MTSS1: variants seen among roughly 807,000 people sequenced by gnomAD.
The protein encoded by MTSS1 is MTSS I-BAR domain containing 1.
In MTSS1, 18 loss-of-function variants were observed where a neutral mutation model predicts 79.0. The ratio of observed to expected loss-of-function variants is 0.23; its 90% CI spans 0.16 to 0.34. MTSS1 has a LOEUF of 0.34. Among genes scored for constraint, MTSS1 ranks in the 10% least tolerant of loss-of-function variants. The pLI is 1.00. For synonymous variants in MTSS1, 341 were observed against 368.6 expected (o/e 0.93, Z 0.86); for missense variants, 815 against 986.2 (o/e 0.83, Z 2.33).
At chr8:124,724,743 G>C (rs942497539) in intron 1 of MTSS1, among the ~76,000 whole-genome samples, 12 of 152,090 alleles carry the variant, frequency 7.9e-5, no homozygotes, top group African/African-American at 2.9e-4. Flanking sequence ...AAGGCACAAA[G>C]CTGCTGTTTG....
chr8:124,697,863 G>A (rs1829101218), intron 3 of MTSS1, among the ~76,000 whole-genome samples: 1 of 152,160 alleles, frequency 6.6e-6, no homozygotes. Context: ...CATGCTTCTA[G>A]TTTCTGTGTC....
chr8:124,723,269 C>A (rs1485842120), intron 1 of MTSS1, among the ~76,000 whole-genome samples: 1 of 152,174 alleles, frequency 6.6e-6, no homozygotes, highest in Non-Finnish European at 1.5e-5. Context: ...GTGCCTGAAA[C>A]ACCACTGATG....
Position 124,589,602 on chromosome 8 carries a change from G to A in MTSS1, c.385+18C>T. The stretch of plus-strand genomic sequence containing the variant: ...CCCCCCAGCGTGCAGTGATGCGCTA[G>A]ACATCTCGCCCCTGTACCTTTTGCG... On this transcript the variant is annotated intron_variant, in intron 5 of 13. Coordinates refer to ENST00000518547, the MANE Select transcript of MTSS1 (RefSeq NM_014751.6). 3 of 1,601,100 alleles carry A rather than the reference G, an allele frequency of 1.9e-6. No individual in the cohort carries two copies. The highest frequency in any genetic ancestry group is 2.6e-6 in the Non-Finnish European group (3 of 1,172,278).
At chr8:124,611,199 G>C (rs1015836966) in intron 3 of MTSS1, among the ~76,000 whole-genome samples, 1 of 148,238 alleles carries the variant, frequency 6.7e-6, no homozygotes, top group East Asian at 2.0e-4. Flanking sequence ...ATTATCTTTT[G>C]AGACAAATGC....
At chr8:124,608,421 G>A (rs1232902108) in intron 3 of MTSS1, among the ~76,000 whole-genome samples, 3 of 152,092 alleles carry the variant, frequency 2.0e-5, no homozygotes, top group Admixed American at 6.5e-5. Context: ...TCATGGCCTC[G>A]CCTCCTCCAG....
intron 3 of MTSS1, among the ~76,000 whole-genome samples, chr8:124,613,462 G>C (rs962046743): frequency 6.6e-6 from 1 of 152,222 alleles, no homozygotes; most frequent in Non-Finnish European, 1.5e-5. Flanking sequence ...TGCAACAAAA[G>C]ACTCTCAGCT....
chr8:124,626,767 T>G (rs1429398708), intron 3 of MTSS1, among the ~76,000 whole-genome samples: 1 of 152,088 alleles, frequency 6.6e-6, no homozygotes, highest in African/African-American at 2.4e-5. Context: ...TGTCTGGGAC[T>G]CTGGGTTCCA....
At chr8:124,594,564 G>T (rs1832427339) in intron 3 of MTSS1, among the ~76,000 whole-genome samples, 1 of 151,500 alleles carries the variant, frequency 6.6e-6, no homozygotes, top group African/African-American at 2.4e-5. Flanking sequence ...GGAAAGGAAA[G>T]GAAAGGAAAT....
In MTSS1 at chr8:124,611,973, C is replaced by T. The variant is rs536494995; in HGVS notation, c.209-20738G>A. On this transcript the variant is annotated intron_variant, in intron 3 of 13. Transcript: ENST00000518547. ...TCTGCTGCCTGTGGGGCTCACAGAA[C>T]GCCAGAATGCAGCCCCTGGGCTTTT... Among the ~76,000 whole-genome samples, 255 of 152,330 alleles carry T rather than the reference C, an allele frequency of 1.7e-3. 1 individual carries two copies. Among genetic ancestry groups the T allele is most frequent in the Non-Finnish European group, 2.5e-3 (168 of 68,024 alleles).
At chr8:124,671,456 G>C (rs578092018) in intron 3 of MTSS1, among the ~76,000 whole-genome samples, 19 of 152,074 alleles carry the variant, frequency 1.2e-4, no homozygotes, top group Admixed American at 2.6e-4. Flanking sequence ...ACTTTCTCAC[G>C]AAGCCCCCTT....
rs1230255297 is a variant in MTSS1, at chr8:124,727,526, C to T, written c.72+358G>A. On this transcript the variant is annotated intron_variant, in intron 1 of 13. Coordinates refer to ENST00000518547, the MANE Select transcript of MTSS1 (RefSeq NM_014751.6). The surrounding 1 kb of genome is among the most constrained non-coding windows in gnomAD (Gnocchi z 4.7). ...TGCCCGGAGGAATCAGGTGTCCTCC[C>T]GGGCATCCAGCCCCCGCGGGTCCCA... is the stretch of plus-strand genomic sequence containing the variant. 2 of 473,548 alleles carry T rather than the reference C, an allele frequency of 4.2e-6. No individual in the cohort carries two copies. Among genetic ancestry groups the T allele is most frequent in the Middle Eastern group, 3.2e-4 (1 of 3,168 alleles). 29.3% of individuals were successfully genotyped at this position (473,548 alleles called of 1,614,324 possible).
rs577176010 is a variant in MTSS1 at position 124,578,296 on chromosome 8, C to T, written c.460+6791G>A. On this transcript the variant is annotated intron_variant, in intron 6 of 13. Transcript: ENST00000518547. ...GGAGCATCACACACACAGTGTGACA[C>T]GTCTACCCTTCACCACTGTTGCTGA... is the stretch of plus-strand genomic sequence containing the variant. 8.5e-4 allele frequency among the ~76,000 whole-genome samples: 130 copies of T among 152,266 alleles called. No homozygotes were observed. In the South Asian group the frequency reaches 0.02, roughly 24 times the overall value.
intron 3 of MTSS1, chr8:124,698,972 TCTC>T (rs1422765566): frequency 6.6e-6 from 1 of 152,420 alleles, no homozygotes; most frequent in Non-Finnish European, 1.5e-5. Flanking sequence ...ACTTTAAACA[TCTC>T]CTATGTTCTA....
intron 3 of MTSS1, among the ~76,000 whole-genome samples, chr8:124,632,422 G>C (rs1182860654): frequency 1.3e-5 from 2 of 151,904 alleles, no homozygotes; most frequent in African/African-American, 4.8e-5. Context: ...GCCAAAGCAG[G>C]AGAAATACTT....
chr8:124,691,988 G>A (rs377511995), intron 3 of MTSS1, among the ~76,000 whole-genome samples: 56 of 151,416 alleles, frequency 3.7e-4, no homozygotes, highest in African/African-American at 1.3e-3. Context: ...GTAGTAATAA[G>A]AAGACAAATA....
chr8:124,710,155 G>A (rs1830951422), intron 1 of MTSS1, among the ~76,000 whole-genome samples: 1 of 152,230 alleles, frequency 6.6e-6, no homozygotes, highest in South Asian at 2.1e-4. Flanking sequence ...GGCAGGACAT[G>A]GGCGAAGTGG....
At chr8:124,708,339 G>A (rs916538460) in intron 1 of MTSS1, among the ~76,000 whole-genome samples, 1 of 152,164 alleles carries the variant, frequency 6.6e-6, no homozygotes, top group Non-Finnish European at 1.5e-5. Context: ...GGATCCAAGT[G>A]GCCACAGGCT....
chr8:124,557,788 C>T lies in MTSS1; in HGVS notation c.1123G>A (p.Ala375Thr). ...GTGACCCGAGGGAGCAGGCGGGAGGCAGGCAGGCAATGAGGGAAAAGGCCT... is the reference window on the plus strand; with the variant it reads ...GTGACCCGAGGGAGCAGGCGGGAGGTAGGCAGGCAATGAGGGAAAAGGCCT... The part of the protein sequence containing the change: ...GAGLFPHCLP[A>T]SRLLPRVTSV... The change falls in exon 11 of 14, where the codon GCC becomes ACC. Residue 375 changes from alanine to threonine, a missense_variant. By Grantham distance (58) the Ala-to-Thr change is moderately conservative (BLOSUM62 0). This residue lies in a region of MTSS1 where 590 missense variants were observed against 620.8 expected (regional missense o/e 0.95). Coordinates refer to ENST00000518547, the MANE Select transcript of MTSS1 (RefSeq NM_014751.6). 1 of 1,605,378 alleles carries T rather than the reference C, an allele frequency of 6.2e-7. No individual in the cohort carries two copies. Among genetic ancestry groups the T allele is most frequent in the Non-Finnish European group, 8.5e-7 (1 of 1,176,324 alleles).
intron 3 of MTSS1, among the ~76,000 whole-genome samples, chr8:124,684,564 T>G (rs1826646371): frequency 6.6e-6 from 1 of 152,142 alleles, no homozygotes; most frequent in Non-Finnish European, 1.5e-5. Flanking sequence ...AATTGAAAAC[T>G]TCAACATCAT....
Sources: allele counts gnomAD v4.1 joint callset (sites outside exome capture counted in the v4.1 genomes callset), GRCh38; gene constraint gnomAD v4.1.1; regional missense constraint gnomAD v4.1.1; non-coding constraint Gnocchi (gnomAD v3.1); transcripts MANE v1.5; gene names NCBI Gene and HGNC (gene_info 2026-07-23, HGNC 2026-07-21).